PRKCA: variants seen among roughly 807,000 people sequenced by gnomAD.
PRKCA encodes the protein protein kinase C alpha, also known as protein kinase C alpha type.
In PRKCA, 27 loss-of-function variants were observed where a neutral mutation model predicts 87.0. That is an observed-to-expected ratio of 0.31 (90% CI 0.23 to 0.43). PRKCA has a LOEUF of 0.43. Among genes scored for constraint, PRKCA ranks in the 20% least tolerant of loss-of-function variants. The probability of loss-of-function intolerance (pLI) is 1.00; values close to 1 mark genes in which losing one functional copy is unlikely to be tolerated. For missense variants in PRKCA, 518 were observed against 852.3 expected, an observed-to-expected ratio of 0.61 and a Z score of 4.88; for synonymous variants, 329 against 311.1, an observed-to-expected ratio of 1.06 and a Z score of -0.61.
chr17:66,444,225 A>G (rs1248614549), intron 2 of PRKCA, among the ~76,000 whole-genome samples: 1 of 152,210 alleles, frequency 6.6e-6, no homozygotes, highest in East Asian at 1.9e-4. Context: ...ACCTGGCTCT[A>G]CAGGTTCTGA....
intron 3 of PRKCA, among the ~76,000 whole-genome samples, chr17:66,606,131 T>C (rs559914414): frequency 1.3e-4 from 20 of 152,228 alleles, no homozygotes; most frequent in Non-Finnish European, 2.5e-4. Flanking sequence ...TGCTCATGCC[T>C]GTAATCCCAG....
At chr17:66,417,411 C>T (rs934789151) in intron 2 of PRKCA, among the ~76,000 whole-genome samples, 2 of 152,070 alleles carry the variant, frequency 1.3e-5, no homozygotes, top group Non-Finnish European at 2.9e-5. Context: ...TTTGTCTTTG[C>T]CTGGATTATC....
At chr17:66,501,109 G>C (rs1216046485) in intron 3 of PRKCA, among the ~76,000 whole-genome samples, 1 of 152,144 alleles carries the variant, frequency 6.6e-6, no homozygotes, top group African/African-American at 2.4e-5. Context: ...TATTGTACCT[G>C]CTCTGCCATC....
At chr17:66,704,933 C>T (rs1294871913) in intron 8 of PRKCA, among the ~76,000 whole-genome samples, 1 of 152,164 alleles carries the variant, frequency 6.6e-6, no homozygotes, top group African/African-American at 2.4e-5. Flanking sequence ...GTTCAGAATG[C>T]TCTCTTCCAG....
At chr17:66,440,214 GA>G (rs1169873194) in intron 2 of PRKCA, among the ~76,000 whole-genome samples, 2 of 152,148 alleles carry the variant, frequency 1.3e-5, no homozygotes, top group African/African-American at 4.8e-5. Flanking sequence ...CTGACAAGGC[GA>G]ATAAAAATAG....
chr17:66,756,948 C>A (rs1974562601), intron 13 of PRKCA, among the ~76,000 whole-genome samples: 2 of 152,208 alleles, frequency 1.3e-5, no homozygotes, highest in Admixed American at 1.3e-4. Flanking sequence ...CAGGCGTGAG[C>A]CACCGTGCCT....
intron 2 of PRKCA, among the ~76,000 whole-genome samples, chr17:66,438,271 C>T (rs1403941718): frequency 6.6e-6 from 1 of 152,150 alleles, no homozygotes; most frequent in Non-Finnish European, 1.5e-5. Context: ...TTCAGTTCCT[C>T]TATCAGCAAA....
intron 16 of PRKCA, among the ~76,000 whole-genome samples, chr17:66,799,586 G>A (rs1400021308): frequency 4.0e-5 from 1 of 25,228 alleles, no homozygotes. Flanking sequence ...GGTGGTGATG[G>A]TGGTGGTGGT....
intron 13 of PRKCA, among the ~76,000 whole-genome samples, chr17:66,755,124 C>T (rs1040935001): frequency 3.9e-5 from 6 of 152,140 alleles, no homozygotes; most frequent in Non-Finnish European, 8.8e-5. Flanking sequence ...GAGATTCATC[C>T]CAAACAAGAG....
Position 66,803,507 on chromosome 17 carries a change from C to T in PRKCA, c.1855-366C>T, listed in dbSNP as rs1274659597. ...CTGCAGCCCCAGCCGACATCCTGGCCTTTCAACACGGAGCTGTGACTGACG... is the reference window on the plus strand; with the variant it reads ...CTGCAGCCCCAGCCGACATCCTGGCTTTTCAACACGGAGCTGTGACTGACG... On this transcript the variant is annotated intron_variant, in intron 16 of 16. Transcript: ENST00000413366. The surrounding 1 kb of genome is among the most constrained non-coding windows in gnomAD (Gnocchi z 4.4). 6.6e-6 allele frequency among the ~76,000 whole-genome samples: 1 copy of T among 152,232 alleles called. No homozygotes were observed. The highest frequency in any genetic ancestry group is 2.4e-5 in the African/African-American group (1 of 41,468).
chr17:66,533,910 G>A (rs563907992), intron 3 of PRKCA, among the ~76,000 whole-genome samples: 9 of 152,272 alleles, frequency 5.9e-5, no homozygotes, highest in Non-Finnish European at 1.2e-4. Context: ...ACTCTGCAGC[G>A]CATCAGCCCC....
intron 5 of PRKCA, among the ~76,000 whole-genome samples, chr17:66,661,722 G>T (rs569479527): frequency 4.9e-4 from 75 of 152,196 alleles, no homozygotes; most frequent in Non-Finnish European, 9.8e-4. Flanking sequence ...AGGCGTAAAT[G>T]GTGTTGATGT....
intron 3 of PRKCA, among the ~76,000 whole-genome samples, chr17:66,565,066 C>T (rs1968844927): frequency 6.6e-6 from 1 of 152,152 alleles, no homozygotes; most frequent in African/African-American, 2.4e-5. Context: ...GGATATGTCC[C>T]GGTTCTCATT....
At chr17:66,798,411 T>A (rs1397436694) in intron 16 of PRKCA, among the ~76,000 whole-genome samples, 1 of 121,878 alleles carries the variant, frequency 8.2e-6, no homozygotes, top group African/African-American at 3.2e-5. Context: ...GTGGTGATGG[T>A]GATGGTGGTG....
rs1975949237 is a variant in PRKCA at position 66,803,509 on chromosome 17, T to C, written c.1855-364T>C. Among the ~76,000 whole-genome samples, 1 of 152,198 alleles carries C rather than the reference T, an allele frequency of 6.6e-6. No individual in the cohort carries two copies. Among genetic ancestry groups the C allele is most frequent in the East Asian group, 1.9e-4 (1 of 5,184 alleles). ...GCAGCCCCAGCCGACATCCTGGCCTTTCAACACGGAGCTGTGACTGACGGC... is the reference window on the plus strand; with the variant it reads ...GCAGCCCCAGCCGACATCCTGGCCTCTCAACACGGAGCTGTGACTGACGGC... On this transcript the variant is annotated intron_variant, in intron 16 of 16. Coordinates refer to ENST00000413366, the MANE Select transcript of PRKCA (RefSeq NM_002737.3). The surrounding 1 kb of genome is among the most constrained non-coding windows in gnomAD (Gnocchi z 4.4).
At chr17:66,497,677 A>G (rs1019178990) in intron 3 of PRKCA, among the ~76,000 whole-genome samples, 1 of 152,232 alleles carries the variant, frequency 6.6e-6, no homozygotes, top group Non-Finnish European at 1.5e-5. Context: ...TGATCAGTTT[A>G]GTCACTCAAA....
rs1917026882 is a variant in PRKCA at position 66,507,416 on chromosome 17, T to C, written c.288+11133T>C. On this transcript the variant is annotated intron_variant, in intron 3 of 16. Coordinates refer to ENST00000413366, the MANE Select transcript of PRKCA (RefSeq NM_002737.3). ...CACGTGACTGAACAGCAAAGCTAACTTAGGGGCAGTTTTCTGTCAGTGAAG... is the reference window on the plus strand; with the variant it reads ...CACGTGACTGAACAGCAAAGCTAACCTAGGGGCAGTTTTCTGTCAGTGAAG... Among the ~76,000 whole-genome samples the C allele has an allele frequency of 2.0e-5, 3 of 152,206 alleles. No homozygotes were observed. In the South Asian group the frequency reaches 6.2e-4, roughly 32 times the overall value.
At chr17:66,507,408 A>T (rs1248778678) in intron 3 of PRKCA, among the ~76,000 whole-genome samples, 1 of 152,188 alleles carries the variant, frequency 6.6e-6, no homozygotes, top group African/African-American at 2.4e-5. Flanking sequence ...CTGAACAGCA[A>T]AGCTAACTTA....
chr17:66,508,899 C>A (rs568978272), intron 3 of PRKCA, among the ~76,000 whole-genome samples: 201 of 152,210 alleles, frequency 1.3e-3, no homozygotes, highest in Non-Finnish European at 2.5e-3. Context: ...TATCATCTTC[C>A]AAGGTTGGTA....
Sources: gnomAD v4.1 joint callset for allele counts (sites outside exome capture counted in the v4.1 genomes callset) on GRCh38, gnomAD v4.1.1 for gene constraint, Gnocchi (gnomAD v3.1) non-coding constraint, MANE v1.5 for transcripts, NCBI Gene and HGNC (gene_info 2026-07-23, HGNC 2026-07-21) for gene names.